Variants in KDM4C observed in about 807,000 individuals in gnomAD.
KDM4C encodes the protein lysine demethylase 4C.
Under a neutral mutation model 129.3 loss-of-function variants are expected in KDM4C, and 81 were observed. The observed-to-expected ratio is 0.63, with a 90% CI of 0.52 to 0.75. The LOEUF is 0.75. Ranked by LOEUF, KDM4C falls within the 30% of genes least tolerant of loss-of-function variation. KDM4C has a pLI of 0.00. For synonymous variants in KDM4C, 573 were observed against 456.1 expected, an observed-to-expected ratio of 1.26 and a Z score of -3.26; for missense variants, 1,457 against 1,304.0, an observed-to-expected ratio of 1.12 and a Z score of -1.81.
intron 17 of KDM4C, among the ~76,000 whole-genome samples, chr9:7,063,483 G>T (rs1832000500): frequency 6.6e-6 from 1 of 152,042 alleles, no homozygotes; most frequent in South Asian, 2.1e-4. Flanking sequence ...TTTTAAGGAG[G>T]GAGCAGAATT....
At chr9:6,861,669 A>T (rs1840945751) in intron 5 of KDM4C, among the ~76,000 whole-genome samples, 1 of 152,120 alleles carries the variant, frequency 6.6e-6, no homozygotes, top group Non-Finnish European at 1.5e-5. Flanking sequence ...CCTCCCAGTG[A>T]CTTATTATTT....
intron 15 of KDM4C, among the ~76,000 whole-genome samples, chr9:7,042,161 C>T (rs548812154): frequency 6.6e-6 from 1 of 152,118 alleles, no homozygotes; most frequent in South Asian, 2.1e-4. Flanking sequence ...TAGGGAAGTA[C>T]TAATTTTTTC....
chr9:7,056,164 G>A (rs1481206858), intron 17 of KDM4C, among the ~76,000 whole-genome samples: 1 of 152,166 alleles, frequency 6.6e-6, no homozygotes, highest in Non-Finnish European at 1.5e-5. Context: ...GCTTTGAATA[G>A]TGAACTATTC....
chr9:6,852,500 A>G (rs1023326292), intron 5 of KDM4C, among the ~76,000 whole-genome samples: 1 of 152,182 alleles, frequency 6.6e-6, no homozygotes, highest in African/African-American at 2.4e-5. Flanking sequence ...TTGAGTTGAC[A>G]AAACGAGAGG....
chr9:6,818,948 T>A (rs1257933267), intron 4 of KDM4C: 1 of 152,178 alleles, frequency 6.6e-6, no homozygotes, highest in Non-Finnish European at 1.5e-5. Context: ...TTCTCCATAG[T>A]TTCTTCCTGT....
intron 8 of KDM4C, among the ~76,000 whole-genome samples, chr9:6,958,514 G>C (rs1829477672): frequency 1.3e-5 from 2 of 151,814 alleles, no homozygotes; most frequent in South Asian, 4.2e-4. Context: ...TCCAACCAGG[G>C]AGGCAGAGGT....
chr9:6,982,961 T>G (rs536640425), intron 9 of KDM4C, among the ~76,000 whole-genome samples: 1 of 152,334 alleles, frequency 6.6e-6, no homozygotes, highest in East Asian at 1.9e-4. Flanking sequence ...CCTTTGGAAA[T>G]AGCCCATTTA....
intron 17 of KDM4C, among the ~76,000 whole-genome samples, chr9:7,101,507 C>G (rs1837086850): frequency 6.6e-6 from 1 of 152,218 alleles, no homozygotes; most frequent in East Asian, 1.9e-4. Context: ...GAATAAACAT[C>G]TTGCAAAGCA....
chr9:6,807,241 C>A (rs561369800), intron 3 of KDM4C, among the ~76,000 whole-genome samples: 12 of 152,318 alleles, frequency 7.9e-5, no homozygotes, highest in African/African-American at 2.6e-4. Flanking sequence ...CTCACTATAA[C>A]CTCCCAGCCG....
chr9:7,068,682 C>CTCTCTTTT (rs1491581614), intron 17 of KDM4C, among the ~76,000 whole-genome samples: 1 of 88,532 alleles, frequency 1.1e-5, no homozygotes, highest in African/African-American at 4.5e-5. Flanking sequence ...TTATGATGCC[C>CTCTCTTTT]TTTCTTTTTT....
intron 17 of KDM4C, among the ~76,000 whole-genome samples, chr9:7,077,810 AT>A (rs1239637230): frequency 1.3e-5 from 2 of 152,194 alleles, no homozygotes; most frequent in Non-Finnish European, 2.9e-5. Context: ...ACAGAGAAAG[AT>A]GTCTATCTAA....
At chr9:7,063,488 A>C (rs1036132922) in intron 17 of KDM4C, among the ~76,000 whole-genome samples, 3 of 152,224 alleles carry the variant, frequency 2.0e-5, no homozygotes, top group Non-Finnish European at 4.4e-5. Flanking sequence ...AGGAGGGAGC[A>C]GAATTCCTGG....
intron 19 of KDM4C, among the ~76,000 whole-genome samples, chr9:7,164,395 T>G (rs1844144220): frequency 3.3e-5 from 5 of 150,888 alleles, no homozygotes; most frequent in Admixed American, 3.3e-4. Context: ...CTGGGGAGTT[T>G]GCTCTGAATT....
Position 6,876,403 on chromosome 9 carries a change from T to C in KDM4C, c.630-3609T>C, listed in dbSNP as rs552581517. Among the ~76,000 whole-genome samples the C allele has an allele frequency of 3.9e-5, 6 of 152,262 alleles. No individual in the cohort carries two copies. In the East Asian group the frequency reaches 1.2e-3, roughly 29 times the overall value. ...TATGACTCAGTCGATCTGTTCCGTG[T>C]TGTTCTGTGAGGTAGACTAGGTCTG... On this transcript the variant is annotated intron_variant, in intron 5 of 21. Coordinates refer to ENST00000381309, the MANE Select transcript of KDM4C (RefSeq NM_015061.6).
intron 7 of KDM4C, among the ~76,000 whole-genome samples, 189 bp downstream of exon 7, chr9:6,888,252 C>G (rs1407397880): frequency 6.6e-6 from 1 of 152,046 alleles, no homozygotes; most frequent in Non-Finnish European, 1.5e-5. Flanking sequence ...AATATATTTA[C>G]TAGAGATTTC....
In KDM4C at chr9:6,986,611, C is replaced by A; in HGVS notation, c.1622C>A (p.Pro541His). ...GAGAGCCATGGGAATGGCCTTGAAC[C>A]TGGGGAAATCCCAGCGGTCCCCAGT... ...DVESHGNGLE[P>H]GEIPAVPSGE... Residue 541 changes from proline (P) to histidine (H), a missense_variant, in exon 11 of 22, where the codon CCT becomes CAT. Transcript: ENST00000381309. 6.2e-7 allele frequency: 1 copy of A among 1,613,956 alleles called. No homozygotes were observed. Among genetic ancestry groups the A allele is most frequent in the East Asian group, 2.2e-5 (1 of 44,870 alleles).
chr9:6,971,619 T>C (rs575773686), intron 8 of KDM4C, among the ~76,000 whole-genome samples: 126 of 152,308 alleles, frequency 8.3e-4, no homozygotes, highest in African/African-American at 3.0e-3. Flanking sequence ...AGTGTATGCA[T>C]AGTTAGAAAT....
chr9:7,077,089 G>A, intron 17 of KDM4C: 2 of 985,468 alleles, frequency 2.0e-6, no homozygotes, highest in Non-Finnish European at 2.4e-6. Flanking sequence ...ATTCATCAAA[G>A]TTCTATCTGG....
At chr9:7,045,208 A>G (rs1322891557) in intron 15 of KDM4C, among the ~76,000 whole-genome samples, 1 of 152,008 alleles carries the variant, frequency 6.6e-6, no homozygotes. Context: ...AGCAGCTTCC[A>G]TGCTGCTGCG....
Sources: gnomAD v4.1 joint callset for allele counts (sites outside exome capture counted in the v4.1 genomes callset) on GRCh38, gnomAD v4.1.1 for gene constraint, MANE v1.5 for transcripts, NCBI Gene and HGNC (gene_info 2026-07-23, HGNC 2026-07-21) for gene names.